ANOS1: variants seen among roughly 807,000 people sequenced by gnomAD.
The protein encoded by ANOS1 is anosmin-1.
A neutral mutation model predicts 59.0 loss-of-function variants in ANOS1; 6 were observed. That is an observed-to-expected ratio of 0.10 (90% CI 0.06 to 0.20). The LOEUF is 0.20. ANOS1 is among the 10% of genes least tolerant of loss of function. ANOS1 has a pLI of 1.00. For synonymous variants in ANOS1, 217 were observed against 223.4 expected, an observed-to-expected ratio of 0.97 and a Z score of 0.25; for missense variants, 433 against 542.3, an observed-to-expected ratio of 0.80 and a Z score of 2.00.
At chrX:8,581,602 T>C (rs1930425851) in intron 6 of ANOS1, among the ~76,000 whole-genome samples, 2 of 111,368 alleles carry the variant, frequency 1.8e-5, no homozygotes, top group Non-Finnish European at 3.8e-5. Flanking sequence ...ATTATGGGAG[T>C]TTAACAAATC....
chrX:8,585,893 T>C (rs1316538720), intron 5 of ANOS1, among the ~76,000 whole-genome samples: 2 of 111,892 alleles, frequency 1.8e-5, no homozygotes, highest in African/African-American at 6.5e-5. Flanking sequence ...GTAAGTCACA[T>C]AACATCTATG....
chrX:8,594,516 T>C (rs763018840), intron 4 of ANOS1, among the ~76,000 whole-genome samples: 19 of 102,685 alleles, frequency 1.9e-4, no homozygotes, highest in African/African-American at 5.7e-4. Context: ...GATGAAGGAG[T>C]TGCTGTAGGC....
chrX:8,594,763 T>TCTAC (rs1930703430), intron 4 of ANOS1, among the ~76,000 whole-genome samples: 3 of 74,733 alleles, frequency 4.0e-5, no homozygotes, highest in Admixed American at 1.7e-4. Context: ...TATATATATA[T>TCTAC]ATATTTTTTT....
intron 2 of ANOS1, among the ~76,000 whole-genome samples, chrX:8,653,664 C>T (rs1931884189): frequency 8.9e-6 from 1 of 111,882 alleles, no homozygotes; most frequent in Admixed American, 9.6e-5. Context: ...CCTAGTTCCC[C>T]TTATCTGGCT....
At chrX:8,647,035 A>G (rs1931772104) in intron 2 of ANOS1, among the ~76,000 whole-genome samples, 1 of 109,671 alleles carries the variant, frequency 9.1e-6, no homozygotes, top group Non-Finnish European at 1.9e-5. Context: ...ATTTGTCGTG[A>G]GCATAGAACG....
chrX:8,682,204 T>C (rs1257943977), intron 2 of ANOS1, among the ~76,000 whole-genome samples: 1 of 109,922 alleles, frequency 9.1e-6, no homozygotes. Context: ...GCAAAAAATA[T>C]GTAAGCAAAA....
Position 8,532,968 on chromosome X carries a change from C to T in ANOS1, c.*27G>A, listed in dbSNP as rs1423362923. ...AGTTCAACAAGCTTACACATCTGTG[C>T]AATTTCACAAAATCTTTTTGAACAG... On this transcript the variant is annotated 3_prime_UTR_variant, in exon 14 of 14. Transcript: ENST00000262648. The T allele has an allele frequency of 1.3e-5, 13 of 1,006,426 alleles. No individual in the cohort carries two copies. The South Asian group carries it at 2.3e-4, about 18-fold the overall frequency. 82.9% of individuals were successfully genotyped at this position (1,006,426 alleles called of 1,213,427 possible).
intron 8 of ANOS1, among the ~76,000 whole-genome samples, chrX:8,568,023 T>C (rs753195708): frequency 8.9e-6 from 1 of 112,425 alleles, no homozygotes; most frequent in East Asian, 2.8e-4. Context: ...AAATTGCACC[T>C]ACAATAGATA....
chrX:8,579,742 AG>A (rs1353979160), intron 6 of ANOS1, among the ~76,000 whole-genome samples: 1 of 111,584 alleles, frequency 9.0e-6, no homozygotes, highest in Non-Finnish European at 1.9e-5. Context: ...CAGATACGCT[AG>A]GAACAGCTGC....
intron 3 of ANOS1, among the ~76,000 whole-genome samples, chrX:8,621,094 A>G (rs1038410784): frequency 8.9e-6 from 1 of 112,084 alleles, no homozygotes; most frequent in Non-Finnish European, 1.9e-5. Context: ...GGTCAGGAGC[A>G]GTGGCTCATG....
At chrX:8,606,904 G>T (rs1225912091) in intron 3 of ANOS1, among the ~76,000 whole-genome samples, 2 of 112,799 alleles carry the variant, frequency 1.8e-5, no homozygotes, top group African/African-American at 6.4e-5. Flanking sequence ...GATCACTTGA[G>T]GTCATGAGTT....
intron 2 of ANOS1, among the ~76,000 whole-genome samples, chrX:8,690,877 T>C (rs1317653702): frequency 1.8e-5 from 2 of 110,481 alleles, no homozygotes; most frequent in African/African-American, 6.6e-5. Context: ...GACTGGGCCC[T>C]AAATTACCAC....
intron 2 of ANOS1, among the ~76,000 whole-genome samples, chrX:8,688,516 A>G (rs977030483): frequency 2.7e-5 from 3 of 112,540 alleles, no homozygotes; most frequent in Non-Finnish European, 5.6e-5. Context: ...TGTGAACCAA[A>G]TAAGAGATTT....
intron 3 of ANOS1, among the ~76,000 whole-genome samples, chrX:8,599,621 C>T (rs1930806104): frequency 9.0e-6 from 1 of 111,601 alleles, no homozygotes; most frequent in African/African-American, 3.3e-5. Context: ...TCATGTGTTG[C>T]TGTTGCTTCT....
intron 13 of ANOS1, among the ~76,000 whole-genome samples, chrX:8,533,802 C>T (rs1413124452): frequency 9.0e-6 from 1 of 110,602 alleles, no homozygotes; most frequent in African/African-American, 3.3e-5. Context: ...ACATAAGTTC[C>T]TTAGCAAAAT....
intron 6 of ANOS1, among the ~76,000 whole-genome samples, chrX:8,584,483 T>C (rs919401385): frequency 8.9e-6 from 1 of 111,970 alleles, no homozygotes; most frequent in Non-Finnish European, 1.9e-5. Flanking sequence ...AATGTCCCAA[T>C]AAATAAATTT....
chrX:8,649,948 T>TA (rs1472466095), intron 2 of ANOS1, among the ~76,000 whole-genome samples: 1 of 112,648 alleles, frequency 8.9e-6, no homozygotes, highest in African/African-American at 3.2e-5. Context: ...TTTGCAAAAT[T>TA]AACCTATTTT....
chrX:8,664,250 G>T (rs887114944), intron 2 of ANOS1, among the ~76,000 whole-genome samples: 1 of 111,879 alleles, frequency 8.9e-6, no homozygotes, highest in African/African-American at 3.3e-5. Context: ...GAGTGCAGTG[G>T]CGCGATCTTG....
At chrX:8,577,559 G>A (rs748673762) in intron 6 of ANOS1, among the ~76,000 whole-genome samples, 8 of 112,561 alleles carry the variant, frequency 7.1e-5, no homozygotes, top group South Asian at 3.7e-4. Context: ...GATTACCAAC[G>A]TAAAATATGC....
Sources: gnomAD v4.1 joint callset for allele counts (sites outside exome capture counted in the v4.1 genomes callset) on GRCh38, gnomAD v4.1.1 for gene constraint, MANE v1.5 for transcripts, NCBI Gene and HGNC (gene_info 2026-07-23, HGNC 2026-07-21) for gene names.